ZFPM2: variants seen among roughly 807,000 people sequenced by gnomAD.
ZFPM2 encodes zinc finger protein ZFPM2.
A neutral mutation model predicts 98.6 loss-of-function variants in ZFPM2; 20 were observed. That is an observed-to-expected ratio of 0.20 (90% CI 0.14 to 0.29). The LOEUF is 0.29. ZFPM2 is among the 10% of genes least tolerant of loss of function. ZFPM2 has a pLI of 1.00. For missense variants in ZFPM2, 1,310 were observed against 1,388.6 expected, an observed-to-expected ratio of 0.94 and a Z score of 0.90; for synonymous variants, 518 against 502.7, an observed-to-expected ratio of 1.03 and a Z score of -0.41.
intron 1 of ZFPM2, chr8:105,387,330 G>A (rs1222858671): frequency 6.2e-5 from 10 of 161,656 alleles, no homozygotes; most frequent in African/African-American, 2.2e-4. Flanking sequence ...CTGTGCGCCC[G>A]CACTCCTCAG....
chr8:105,568,992 C>G (rs1446224983), intron 4 of ZFPM2, among the ~76,000 whole-genome samples: 1 of 151,958 alleles, frequency 6.6e-6, no homozygotes, highest in East Asian at 1.9e-4. Flanking sequence ...CCCTCCCCAC[C>G]TATCTCTCTT....
At chr8:105,640,559 A>G (rs1816931759) in intron 5 of ZFPM2, among the ~76,000 whole-genome samples, 1 of 152,054 alleles carries the variant, frequency 6.6e-6, no homozygotes, top group South Asian at 2.1e-4. Flanking sequence ...CCAAGGGCCT[A>G]TTCTAGGCAC....
intron 5 of ZFPM2, among the ~76,000 whole-genome samples, chr8:105,736,197 G>T (rs1306246978): frequency 6.6e-5 from 10 of 151,900 alleles, no homozygotes; most frequent in Non-Finnish European, 1.3e-4. Context: ...CATTGCAGAT[G>T]CCAAGATATC....
chr8:105,543,758 A>G (rs1333741858), intron 3 of ZFPM2, among the ~76,000 whole-genome samples: 1 of 152,100 alleles, frequency 6.6e-6, no homozygotes, highest in Non-Finnish European at 1.5e-5. Flanking sequence ...TGTGTATTCA[A>G]GTAGTATTTA....
Position 105,798,958 on chromosome 8 carries a change from C to G in ZFPM2, c.964+10C>G, listed in dbSNP as rs1179659193. On this transcript the variant is annotated intron_variant, in intron 7 of 7. Transcript: ENST00000407775. ...CTGAATTCACACAGTGGTAAATGCC[C>G]CTTTTGTTTCTTCTGTTGCTCCAGA... 6 of 1,606,182 alleles carry G rather than the reference C, an allele frequency of 3.7e-6. No homozygotes were observed. Among genetic ancestry groups the G allele is most frequent in the Non-Finnish European group, 3.4e-6 (4 of 1,174,218 alleles).
chr8:105,645,895 T>TA (rs1302624285), intron 5 of ZFPM2, among the ~76,000 whole-genome samples: 3 of 150,168 alleles, frequency 2.0e-5, no homozygotes, highest in East Asian at 2.0e-4. Context: ...CTAGTAAAAA[T>TA]AAAAAAAATT....
intron 3 of ZFPM2, among the ~76,000 whole-genome samples, chr8:105,523,874 A>G (rs1284671943): frequency 6.6e-6 from 1 of 152,180 alleles, no homozygotes; most frequent in Non-Finnish European, 1.5e-5. Flanking sequence ...CCTGTGGTCA[A>G]AAGCAACTGG....
At chr8:105,595,279 G>C (rs1375581946) in intron 4 of ZFPM2, among the ~76,000 whole-genome samples, 2 of 152,018 alleles carry the variant, frequency 1.3e-5, no homozygotes, top group African/African-American at 4.8e-5. Flanking sequence ...TCACATCTGT[G>C]TCTCTAGACA....
chr8:105,618,743 T>C (rs1041716356), intron 4 of ZFPM2, among the ~76,000 whole-genome samples: 8 of 152,122 alleles, frequency 5.3e-5, no homozygotes, highest in African/African-American at 1.9e-4. Flanking sequence ...TGCAGAGTAC[T>C]TAAGTAACTT....
At chr8:105,531,007 C>A (rs1482605953) in intron 3 of ZFPM2, among the ~76,000 whole-genome samples, 2 of 152,078 alleles carry the variant, frequency 1.3e-5, no homozygotes, top group East Asian at 3.9e-4. Flanking sequence ...GACTCAAACT[C>A]CTTTTTCTAA....
intron 4 of ZFPM2, among the ~76,000 whole-genome samples, chr8:105,630,245 G>A (rs1441397859): frequency 1.3e-5 from 2 of 152,158 alleles, no homozygotes; most frequent in African/African-American, 4.8e-5. Context: ...GGAGACATGG[G>A]AAGTGAACCT....
intron 3 of ZFPM2, among the ~76,000 whole-genome samples, chr8:105,533,404 C>T (rs1814338548): frequency 6.6e-6 from 1 of 152,058 alleles, no homozygotes; most frequent in African/African-American, 2.4e-5. Context: ...ATTTCTTACA[C>T]AGTTGTTGAT....
chr8:105,437,141 T>C (rs1473292914), intron 2 of ZFPM2, among the ~76,000 whole-genome samples: 2 of 152,164 alleles, frequency 1.3e-5, no homozygotes, highest in African/African-American at 4.8e-5. Flanking sequence ...ATTAATGTGA[T>C]ATATATTGCA....
chr8:105,541,712 A>G (rs1490900513), intron 3 of ZFPM2, among the ~76,000 whole-genome samples: 1 of 152,184 alleles, frequency 6.6e-6, no homozygotes, highest in Non-Finnish European at 1.5e-5. Context: ...GGAAATGTAT[A>G]ATCTTACAAT....
chr8:105,345,274 A>G (rs1389045676), intron 1 of ZFPM2, among the ~76,000 whole-genome samples: 1 of 152,138 alleles, frequency 6.6e-6, no homozygotes. Context: ...ATACTTTCAG[A>G]CAATCTGGAG....
At chr8:105,377,936 CTT>C (rs1810764205) in intron 1 of ZFPM2, among the ~76,000 whole-genome samples, 1 of 152,098 alleles carries the variant, frequency 6.6e-6, no homozygotes, top group Non-Finnish European at 1.5e-5. Flanking sequence ...TTCTGTTTCC[CTT>C]TCTTTGGATG....
chr8:105,611,306 C>T (rs1020240742), intron 4 of ZFPM2, among the ~76,000 whole-genome samples: 2 of 152,048 alleles, frequency 1.3e-5, no homozygotes, highest in Non-Finnish European at 2.9e-5. Flanking sequence ...ATTTTGAAAA[C>T]GAGGAACAGC....
intron 5 of ZFPM2, among the ~76,000 whole-genome samples, chr8:105,752,496 A>G (rs1765669911): frequency 6.6e-6 from 1 of 152,162 alleles, no homozygotes; most frequent in Non-Finnish European, 1.5e-5. Context: ...AACAGGAAAC[A>G]GTTGGTTGTT....
At chr8:105,337,512 G>C (rs1452408905) in intron 1 of ZFPM2, among the ~76,000 whole-genome samples, 2 of 151,506 alleles carry the variant, frequency 1.3e-5, no homozygotes, top group Non-Finnish European at 1.5e-5. Context: ...TCCCACCCTT[G>C]CCAATATTAC....
Sources: allele counts gnomAD v4.1 joint callset (sites outside exome capture counted in the v4.1 genomes callset), GRCh38; gene constraint gnomAD v4.1.1; transcripts MANE v1.5; gene names NCBI Gene and HGNC (gene_info 2026-07-23, HGNC 2026-07-21).